The following PRICKLE1 variants were observed in gnomAD, a reference collection of about 807,000 sequenced individuals.
The protein encoded by PRICKLE1 is prickle planar cell polarity protein 1.
Under a neutral mutation model 70.2 loss-of-function variants are expected in PRICKLE1, and 14 were observed. That is an observed-to-expected ratio of 0.20 (90% CI 0.13 to 0.31). The LOEUF is 0.31. Among genes scored for constraint, PRICKLE1 ranks in the 10% least tolerant of loss-of-function variants. The probability of loss-of-function intolerance (pLI) is 1.00; values close to 1 mark genes in which losing one functional copy is unlikely to be tolerated. For synonymous variants in PRICKLE1, 357 were observed against 379.9 expected, an observed-to-expected ratio of 0.94 and a Z score of 0.70; for missense variants, 821 against 1,026.2, an observed-to-expected ratio of 0.80 and a Z score of 2.73.
intron 1 of PRICKLE1, among the ~76,000 whole-genome samples, chr12:42,508,214 G>C (rs542870563): frequency 6.6e-6 from 1 of 152,186 alleles, no homozygotes; most frequent in Admixed American, 6.5e-5. Flanking sequence ...CTTAGACTAA[G>C]TATTTTTTAT....
Position 42,459,953 on chromosome 12 carries a change from A to G in PRICKLE1, c.2352T>C (p.Pro784=), listed in dbSNP as rs1347788158. ...AGGCAAATCTCTGTGGCCGGGGTTG[A>G]GGGATTGGTTGTCCAAGAAAATATC... is the stretch of plus-strand genomic sequence containing the variant. ...EEGYFLGQPI[P]QPRPQRFAYY... Residue 784 remains proline, a synonymous_variant, in exon 8 of 8, where the codon CCT becomes CCC. Coordinates refer to ENST00000345127, the MANE Select transcript of PRICKLE1 (RefSeq NM_153026.3). 1 of 1,614,102 alleles carries G rather than the reference A, an allele frequency of 6.2e-7. No homozygotes were observed. Among genetic ancestry groups the G allele is most frequent in the East Asian group, 2.2e-5 (1 of 44,870 alleles).
At chr12:42,544,735 T>C (rs1241074410) in intron 1 of PRICKLE1, among the ~76,000 whole-genome samples, 1 of 152,190 alleles carries the variant, frequency 6.6e-6, no homozygotes, top group Non-Finnish European at 1.5e-5. Flanking sequence ...AAGAGCAAAA[T>C]AGTGAGGGCT....
chr12:42,586,623 G>C (rs1431816785), intron 1 of PRICKLE1, among the ~76,000 whole-genome samples: 1 of 152,126 alleles, frequency 6.6e-6, no homozygotes, highest in Admixed American at 6.5e-5. Context: ...ACTGAAAATT[G>C]TTTCCCATGA....
chr12:42,473,981 C>T (rs1221418977), intron 1 of PRICKLE1, among the ~76,000 whole-genome samples: 1 of 152,078 alleles, frequency 6.6e-6, no homozygotes, highest in Non-Finnish European at 1.5e-5. Context: ...CTATTAAAAC[C>T]TTTGATTATT....
At chr12:42,476,605 G>A (rs1348872846) in intron 1 of PRICKLE1, among the ~76,000 whole-genome samples, 4 of 151,898 alleles carry the variant, frequency 2.6e-5, no homozygotes, top group African/African-American at 7.3e-5. Context: ...CGTGAGCCAC[G>A]GCACCTGGCT....
chr12:42,546,735 C>T (rs1940221123), intron 1 of PRICKLE1, among the ~76,000 whole-genome samples: 2 of 152,170 alleles, frequency 1.3e-5, no homozygotes, highest in African/African-American at 2.4e-5. Context: ...GCCTGGGTGA[C>T]ACAGCGAGAC....
intron 1 of PRICKLE1, among the ~76,000 whole-genome samples, chr12:42,562,597 A>C (rs1940535349): frequency 6.6e-6 from 1 of 152,144 alleles, no homozygotes; most frequent in Non-Finnish European, 1.5e-5. Flanking sequence ...GTAAGAAAAA[A>C]ACTGAAGATG....
chr12:42,578,918 C>T (rs1940850580), intron 1 of PRICKLE1, among the ~76,000 whole-genome samples: 1 of 151,998 alleles, frequency 6.6e-6, no homozygotes, highest in Admixed American at 6.6e-5. Context: ...TGCACAACCA[C>T]GCCAGGCTAA....
At chr12:42,534,875 T>C (rs1030902405) in intron 1 of PRICKLE1, among the ~76,000 whole-genome samples, 5 of 152,114 alleles carry the variant, frequency 3.3e-5, no homozygotes, top group Non-Finnish European at 7.4e-5. Flanking sequence ...AGCCATGGAG[T>C]AAGGACAAAG....
chr12:42,523,980 C>A (rs1445675370), intron 1 of PRICKLE1, among the ~76,000 whole-genome samples: 1 of 152,192 alleles, frequency 6.6e-6, no homozygotes, highest in Non-Finnish European at 1.5e-5. Flanking sequence ...TCATTTATGA[C>A]CCTAAACATT....
intron 1 of PRICKLE1, among the ~76,000 whole-genome samples, chr12:42,560,327 T>C (rs1404750907): frequency 2.0e-5 from 3 of 151,680 alleles, no homozygotes; most frequent in Non-Finnish European, 2.9e-5. Flanking sequence ...AGAGATGGAG[T>C]TTCACCATAT....
At chr12:42,469,426 C>A (rs1034546056) in intron 4 of PRICKLE1, 24 bp downstream of exon 4, 2 of 1,613,482 alleles carry the variant, frequency 1.2e-6, no homozygotes, top group Non-Finnish European at 1.7e-6. Flanking sequence ...CCACAAGCTA[C>A]GCATCAGAGA....
Position 42,459,437 on chromosome 12 carries a change from G to T in PRICKLE1, c.*372C>A. ...CTGAGCCGACCTGACTTACATAAAT[G>T]ACAAACACTAGTGCTTTACAAAGGT... On this transcript the variant is annotated 3_prime_UTR_variant, in exon 8 of 8. Transcript: ENST00000345127. 1 of 694,122 alleles carries T rather than the reference G, an allele frequency of 1.4e-6. No individual in the cohort carries two copies. The highest frequency in any genetic ancestry group is 1.5e-5 in the South Asian group (1 of 66,272). The allele number at this position is 694,122 out of a possible 1,614,324, so 43.0% of individuals were successfully genotyped here.
chr12:42,556,365 C>A (rs1449189116), intron 1 of PRICKLE1, among the ~76,000 whole-genome samples: 1 of 152,206 alleles, frequency 6.6e-6, no homozygotes, highest in Non-Finnish European at 1.5e-5. Flanking sequence ...ATAACAACCA[C>A]CACCATGACC....
intron 1 of PRICKLE1, among the ~76,000 whole-genome samples, chr12:42,551,635 G>A (rs979474574): frequency 7.9e-5 from 12 of 152,158 alleles, no homozygotes; most frequent in African/African-American, 2.7e-4. Flanking sequence ...GGAGGAGAGT[G>A]GAGGAAAGAG....
chr12:42,462,163 C>A (rs1472912752), intron 7 of PRICKLE1, among the ~76,000 whole-genome samples: 1 of 151,772 alleles, frequency 6.6e-6, no homozygotes, highest in Non-Finnish European at 1.5e-5. Flanking sequence ...GGAATGTCAG[C>A]CCCTAACACT....
intron 1 of PRICKLE1, among the ~76,000 whole-genome samples, chr12:42,510,319 C>T (rs1446376865): frequency 1.3e-5 from 2 of 151,864 alleles, no homozygotes; most frequent in Non-Finnish European, 2.9e-5. Context: ...TGGTCTTGAT[C>T]TCCTGATCTT....
Position 42,464,732 on chromosome 12 carries a change from C to T in PRICKLE1, c.1302G>A (p.Glu434=). 2 of 1,614,084 alleles carry T rather than the reference C, an allele frequency of 1.2e-6. No homozygotes were observed. The highest frequency in any genetic ancestry group is 1.3e-5 in the African/African-American group (1 of 75,018). ...AGTGCTCACTGGCTCGAATATCCAT[C>T]TCATTGGGCTGTGGCTGAAAGAGGC... ...DKSLFQPQPN[E]MDIRASEHWI... is the part of the protein sequence containing the mutation. Residue 434 remains glutamate (E), a synonymous_variant, in exon 7 of 8, where the codon GAG becomes GAA. Coordinates refer to ENST00000345127, the MANE Select transcript of PRICKLE1 (RefSeq NM_153026.3). This position sits in a 1 kb window ranked among gnomAD's most constrained non-coding sequence, Gnocchi z 4.2.
At chr12:42,559,657 C>T (rs1592028717) in intron 1 of PRICKLE1, among the ~76,000 whole-genome samples, 1 of 110,262 alleles carries the variant, frequency 9.1e-6, no homozygotes, top group Non-Finnish European at 1.9e-5. Context: ...GAGATGGGGG[C>T]CTCATTATAT....
Sources: allele counts gnomAD v4.1 joint callset (sites outside exome capture counted in the v4.1 genomes callset), GRCh38; gene constraint gnomAD v4.1.1; non-coding constraint Gnocchi (gnomAD v3.1); transcripts MANE v1.5; gene names NCBI Gene and HGNC (gene_info 2026-07-23, HGNC 2026-07-21).